The following ADCY1 variants were observed in gnomAD, a reference collection of about 807,000 sequenced individuals.
The protein encoded by ADCY1 is adenylate cyclase type 1.
A neutral mutation model predicts 105.4 loss-of-function variants in ADCY1; 28 were observed. The ratio of observed to expected loss-of-function variants is 0.27; its 90% CI spans 0.20 to 0.36. The LOEUF (loss-of-function observed/expected upper bound fraction) is 0.36. Ranked by LOEUF, ADCY1 falls within the 10% of genes least tolerant of loss-of-function variation. The pLI is 1.00. For missense variants in ADCY1, 977 were observed against 1,434.2 expected, an observed-to-expected ratio of 0.68 and a Z score of 5.15; for synonymous variants, 655 against 623.8, an observed-to-expected ratio of 1.05 and a Z score of -0.75.
intron 11 of ADCY1, among the ~76,000 whole-genome samples, chr7:45,682,664 G>A (rs770063757): frequency 2.9e-4 from 44 of 152,142 alleles, no homozygotes; most frequent in Non-Finnish European, 1.0e-4. Context: ...CCTCCTTCTC[G>A]CCGTCCTAGG....
intron 1 of ADCY1, among the ~76,000 whole-genome samples, chr7:45,580,342 T>A (rs778130897): frequency 6.6e-6 from 1 of 152,174 alleles, no homozygotes; most frequent in African/African-American, 2.4e-5. Context: ...AGCTCCTTCA[T>A]GGACCGGAGA....
chr7:45,646,698 T>C (rs546860080), intron 4 of ADCY1, among the ~76,000 whole-genome samples: 1 of 152,186 alleles, frequency 6.6e-6, no homozygotes, highest in Admixed American at 6.5e-5. Context: ...CACAGGCTCA[T>C]GTCAGCTGCA....
At chr7:45,627,640 A>G (rs780081428) in intron 4 of ADCY1, among the ~76,000 whole-genome samples, 8 of 152,134 alleles carry the variant, frequency 5.3e-5, no homozygotes, top group Non-Finnish European at 1.0e-4. Context: ...GAATGGCCAG[A>G]GGAGGGGCTG....
At chr7:45,641,775 A>G (rs1794530447) in intron 4 of ADCY1, among the ~76,000 whole-genome samples, 1 of 139,202 alleles carries the variant, frequency 7.2e-6, no homozygotes, top group Non-Finnish European at 1.5e-5. Context: ...AAATACAAAA[A>G]ATTAGCCAGG....
Position 45,591,760 on chromosome 7 carries a change from C to T in ADCY1, c.640-999C>T, listed in dbSNP as rs192743511. Among the ~76,000 whole-genome samples the T allele has an allele frequency of 4.9e-4, 75 of 152,318 alleles. No individual in the cohort carries two copies. Among genetic ancestry groups the T allele is most frequent in the South Asian group, 4.6e-3 (22 of 4,826 alleles). ...GTAGAGACAGATCAGATGAGGAGACCGGCAGCAGGCAGTGGGGAGTGGGAA... is the reference window on the plus strand; with the variant it reads ...GTAGAGACAGATCAGATGAGGAGACTGGCAGCAGGCAGTGGGGAGTGGGAA... On this transcript the variant is annotated intron_variant, in intron 1 of 19. Coordinates refer to ENST00000297323, the MANE Select transcript of ADCY1 (RefSeq NM_021116.4). This position sits in a 1 kb window ranked among gnomAD's most constrained non-coding sequence, Gnocchi z 4.1.
chr7:45,704,797 A>G (rs56146097), intron 17 of ADCY1, among the ~76,000 whole-genome samples, 181 bp downstream of exon 17: 1 of 152,128 alleles, frequency 6.6e-6, no homozygotes, highest in Non-Finnish European at 1.5e-5. Context: ...TCCTAGGGAA[A>G]GTCAGCACAG....
intron 2 of ADCY1, among the ~76,000 whole-genome samples, chr7:45,596,233 A>G (rs1793067120): frequency 6.6e-6 from 1 of 152,198 alleles, no homozygotes; most frequent in Non-Finnish European, 1.5e-5. Context: ...TTTTAATTTC[A>G]TTCATGACAC....
chr7:45,628,722 A>C (rs1194062193), intron 4 of ADCY1, among the ~76,000 whole-genome samples: 2 of 152,218 alleles, frequency 1.3e-5, no homozygotes, highest in Non-Finnish European at 2.9e-5. Context: ...GTCTTCTGCA[A>C]CCTGGCATGC....
At chr7:45,603,893 T>G (rs1349689584) in intron 2 of ADCY1, among the ~76,000 whole-genome samples, 1 of 152,266 alleles carries the variant, frequency 6.6e-6, no homozygotes, top group African/African-American at 2.4e-5. Flanking sequence ...TATTTGTTTC[T>G]TTTTATTACT....
rs1373631815 is a variant in ADCY1, at chr7:45,713,684, C to T, written c.3058-9C>T. 1 of 777,538 alleles carries T rather than the reference C, an allele frequency of 1.3e-6. No individual in the cohort carries two copies. The highest frequency in any genetic ancestry group is 1.7e-5 in the Admixed American group (1 of 58,936). The allele number at this position is 777,538 out of a possible 1,614,324, so 48.2% of individuals were successfully genotyped here. ...CCCTGAAGTAACACTCACTTCTCTC[C>T]ATCAACAGGTGACTGAGGAAGTCCA... On this transcript the variant is annotated splice_polypyrimidine_tract_variant and intron_variant, in intron 19 of 19. Transcript: ENST00000297323.
chr7:45,655,244 C>T (rs1794905966), intron 5 of ADCY1, among the ~76,000 whole-genome samples: 1 of 152,222 alleles, frequency 6.6e-6, no homozygotes, highest in Non-Finnish European at 1.5e-5. Flanking sequence ...AAGGGGCCAA[C>T]AGTGGCCCCC....
chr7:45,582,939 C>T (rs1562672424), intron 1 of ADCY1, among the ~76,000 whole-genome samples: 1 of 152,214 alleles, frequency 6.6e-6, no homozygotes, highest in Admixed American at 6.5e-5. Context: ...AATCCCATCT[C>T]CCTGGATTAA....
chr7:45,610,817 T>TGGGG (rs1410966609), intron 3 of ADCY1, among the ~76,000 whole-genome samples: 4 of 48,704 alleles, frequency 8.2e-5, no homozygotes, highest in Admixed American at 4.7e-4. Context: ...ATGGTGGAGG[T>TGGGG]ATGGAGGTGA....
chr7:45,656,009 T>C (rs1249686932), intron 5 of ADCY1, among the ~76,000 whole-genome samples: 1 of 152,024 alleles, frequency 6.6e-6, no homozygotes, highest in Non-Finnish European at 1.5e-5. Context: ...TATATTCAGC[T>C]GGGCATGGTG....
chr7:45,713,959 G>A lies in ADCY1; in HGVS notation c.3324G>A (p.Gln1108=), dbSNP rs1157797066. The A allele has an allele frequency of 1.3e-6, 1 of 778,692 alleles. No individual in the cohort carries two copies. The highest frequency in any genetic ancestry group is 2.4e-6 in the Non-Finnish European group (1 of 416,680). The allele number at this position is 778,692 out of a possible 1,614,324, so 48.2% of individuals were successfully genotyped here. A position where few individuals can be genotyped will look rare whatever the true frequency, so the allele number is the denominator to read the frequency against. Residue 1108 remains glutamine, a synonymous_variant, in exon 20 of 20, where the codon CAG becomes CAA. Coordinates refer to ENST00000297323, the MANE Select transcript of ADCY1 (RefSeq NM_021116.4). ...RAGLPPHSPG[Q]YLPSAAAGKE... ...GGCTCCCTCCACACTCCCCAGGCCA[G>A]TACCTGCCCTCTGCAGCAGCTGGGA... is the stretch of plus-strand genomic sequence containing the variant.
At chr7:45,665,752 T>A (rs1276929534) in intron 8 of ADCY1, among the ~76,000 whole-genome samples, 1 of 152,180 alleles carries the variant, frequency 6.6e-6, no homozygotes, top group African/African-American at 2.4e-5. Context: ...TTGGAGTCAT[T>A]TCTAAGTGGC....
chr7:45,597,171 A>G (rs1793099284), intron 2 of ADCY1, among the ~76,000 whole-genome samples: 1 of 152,136 alleles, frequency 6.6e-6, no homozygotes, highest in Non-Finnish European at 1.5e-5. Flanking sequence ...AACTCCCAAT[A>G]TTAAAACTCC....
chr7:45,617,249 A>G lies in ADCY1; in HGVS notation c.909-5383A>G, dbSNP rs573296607. ...CTCCTGCAGCTGTAACTGAGAAGCAATCATGGTGTGGTCTGTAGCCACTGG... is the reference window on the plus strand; with the variant it reads ...CTCCTGCAGCTGTAACTGAGAAGCAGTCATGGTGTGGTCTGTAGCCACTGG... On this transcript the variant is annotated intron_variant, in intron 3 of 19. Coordinates refer to ENST00000297323, the MANE Select transcript of ADCY1 (RefSeq NM_021116.4). Among the ~76,000 whole-genome samples, 170 of 152,322 alleles carry G rather than the reference A, an allele frequency of 1.1e-3. 2 individuals carry two copies. Among genetic ancestry groups the G allele is most frequent in the South Asian group, 4.1e-3 (20 of 4,828 alleles).
chr7:45,577,260 C>T (rs1172974656), intron 1 of ADCY1, among the ~76,000 whole-genome samples: 1 of 152,186 alleles, frequency 6.6e-6, no homozygotes, highest in Non-Finnish European at 1.5e-5. Flanking sequence ...TAAACACTTC[C>T]TATTGGAAAA....
Sources: gnomAD v4.1 joint callset for allele counts (sites outside exome capture counted in the v4.1 genomes callset) on GRCh38, gnomAD v4.1.1 for gene constraint, Gnocchi (gnomAD v3.1) non-coding constraint, MANE v1.5 for transcripts, NCBI Gene and HGNC (gene_info 2026-07-23, HGNC 2026-07-21) for gene names.